The following CSNK2A1 variants were observed in gnomAD, a reference collection of about 807,000 sequenced individuals.
The protein encoded by CSNK2A1 is casein kinase II subunit alpha.
Under a neutral mutation model 62.9 loss-of-function variants are expected in CSNK2A1, and 10 were observed. The ratio of observed to expected loss-of-function variants is 0.16; its 90% CI spans 0.10 to 0.27. CSNK2A1 has a LOEUF of 0.27. CSNK2A1 is among the 10% of genes least tolerant of loss of function. CSNK2A1 has a pLI of 1.00. For synonymous variants in CSNK2A1, 124 were observed against 167.8 expected (o/e 0.74, Z 2.02); for missense variants, 160 against 492.0 (o/e 0.33, Z 6.38).
rs1261916899 is a variant in CSNK2A1, at chr20:523,297, CAGTT to C, written c.-110+4632_-110+4635del. Among the ~76,000 whole-genome samples, 6 of 152,262 alleles carry C rather than the reference CAGTT, an allele frequency of 3.9e-5. No individual in the cohort carries two copies. In the East Asian group the frequency reaches 7.7e-4, roughly 20 times the overall value. ...TCATATGACCCAGCAATCCAACTCA[CAGTT>C]ATTTACCCTAGAAAAATGAAAACTT... is the stretch of plus-strand genomic sequence containing the variant. On this transcript the variant is annotated intron_variant, in intron 2 of 13. Coordinates refer to ENST00000217244, the MANE Select transcript of CSNK2A1 (RefSeq NM_177559.3).
At chr20:495,998 A>AT in intron 7 of CSNK2A1, 196 bp from the exon 8 acceptor site, 1 of 534,482 alleles carries the variant, frequency 1.9e-6, no homozygotes, top group Middle Eastern at 4.5e-4. Context: ...CTCTGAGCTT[A>AT]GAGATCTTTT....
chr20:493,525 T>C (rs1278134214), intron 8 of CSNK2A1, among the ~76,000 whole-genome samples: 1 of 152,222 alleles, frequency 6.6e-6, no homozygotes, highest in Non-Finnish European at 1.5e-5. Context: ...GCCAAAGTAG[T>C]AGAGATTCTC....
rs1250606452 is a variant in CSNK2A1, at chr20:479,157, AAG to A, written c.*4802_*4803del. 2 of 152,374 alleles carry A rather than the reference AAG, an allele frequency of 1.3e-5. No homozygotes were observed. Among genetic ancestry groups the A allele is most frequent in the African/African-American group, 4.8e-5 (2 of 41,438 alleles). 9.4% of individuals were successfully genotyped at this position (152,374 alleles called of 1,614,324 possible). Reference sequence around the variant, plus strand: ...GACACTTTACTGCCACCTGCTGGAAAAGAGTCAGAAATTTTCCAAATGCAAAC... The same window carrying A: ...GACACTTTACTGCCACCTGCTGGAAAAGTCAGAAATTTTCCAAATGCAAAC... On this transcript the variant is annotated 3_prime_UTR_variant, in exon 14 of 14. Transcript: ENST00000217244.
At chr20:492,182 C>A in intron 9 of CSNK2A1, 72 bp downstream of exon 9, 68 of 1,051,628 alleles carry the variant, frequency 6.5e-5, no homozygotes, top group Non-Finnish European at 8.3e-5. Context: ...CAAAATGATA[C>A]TTTTTTTTTT....
At chr20:523,825 C>T (rs904140665) in intron 2 of CSNK2A1, among the ~76,000 whole-genome samples, 3 of 140,960 alleles carry the variant, frequency 2.1e-5, no homozygotes, top group African/African-American at 8.1e-5. Flanking sequence ...CGCCAATGCA[C>T]TCCAGCCTGG....
At chr20:539,421 C>A (rs1480649796) in intron 1 of CSNK2A1, 2 of 152,264 alleles carry the variant, frequency 1.3e-5, no homozygotes, top group Non-Finnish European at 2.9e-5. Context: ...CCGTCTCACA[C>A]TTTCAATCTG....
At chr20:515,534 G>GT (rs1292518316) in intron 2 of CSNK2A1, among the ~76,000 whole-genome samples, 8 of 152,074 alleles carry the variant, frequency 5.3e-5, no homozygotes, top group African/African-American at 1.9e-4. Flanking sequence ...ATCCAATACA[G>GT]TTACAGCTGG....
intron 2 of CSNK2A1, among the ~76,000 whole-genome samples, chr20:523,668 G>A (rs953294218): frequency 3.3e-5 from 5 of 152,024 alleles, no homozygotes; most frequent in African/African-American, 1.2e-4. Flanking sequence ...GAAGCGGATG[G>A]ATCACAAGGT....
Position 496,473 on chromosome 20 carries a change from T to C in CSNK2A1, c.427-671A>G, listed in dbSNP as rs1228825204. The C allele has an allele frequency of 2.6e-5, 4 of 152,164 alleles. No individual in the cohort carries two copies. In the East Asian group the frequency reaches 5.8e-4, roughly 22 times the overall value. The allele number at this position is 152,164 out of a possible 1,614,324, so 9.4% of individuals were successfully genotyped here. On this transcript the variant is annotated intron_variant, in intron 7 of 13. Coordinates refer to ENST00000217244, the MANE Select transcript of CSNK2A1 (RefSeq NM_177559.3). ...CAACCTCAAACTAAAGGGAACTGAG[T>C]AGTATAATCTTTGGGGTTTGTTAAT...
chr20:496,108 T>A, intron 7 of CSNK2A1: 1 of 279,900 alleles, frequency 3.6e-6, no homozygotes, highest in South Asian at 5.2e-5. Context: ...GATCCTAGAT[T>A]ATTTCCACAG....
chr20:525,730 T>C (rs1181934197), intron 2 of CSNK2A1, among the ~76,000 whole-genome samples: 1 of 149,542 alleles, frequency 6.7e-6, no homozygotes, highest in Non-Finnish European at 1.5e-5. Flanking sequence ...CCCAACACTT[T>C]GGGAGGCTGA....
chr20:522,487 GTCT>G (rs1282613641), intron 2 of CSNK2A1, among the ~76,000 whole-genome samples: 2 of 152,118 alleles, frequency 1.3e-5, no homozygotes, highest in African/African-American at 4.8e-5. Context: ...TACATCACCA[GTCT>G]TCTTCAAAAG....
Position 477,362 on chromosome 20 carries a change from T to C in CSNK2A1, c.*6599A>G, listed in dbSNP as rs1471904243. On this transcript the variant is annotated 3_prime_UTR_variant, in exon 14 of 14. Coordinates refer to ENST00000217244, the MANE Select transcript of CSNK2A1 (RefSeq NM_177559.3). ...ACAGGCGCACACCACCACACTCAGC[T>C]AATCTATTTTTTGTAGAGGTGGGTT... The C allele has an allele frequency of 2.0e-5, 3 of 152,198 alleles. No individual in the cohort carries two copies. The highest frequency in any genetic ancestry group is 2.9e-5 in the Non-Finnish European group (2 of 68,078). The allele number at this position is 152,198 out of a possible 1,614,324, so 9.4% of individuals were successfully genotyped here.
chr20:499,957 G>T lies in CSNK2A1; in HGVS notation c.214-23C>A. 4 of 1,161,676 alleles carry T rather than the reference G, an allele frequency of 3.4e-6. No homozygotes were observed. The highest frequency in any genetic ancestry group is 3.5e-6 in the Non-Finnish European group (3 of 854,980). 72.0% of individuals were successfully genotyped at this position (1,161,676 alleles called of 1,614,324 possible). A position where few individuals can be genotyped will look rare whatever the true frequency, so the allele number is the denominator to read the frequency against. ...TGGCTGAAAGGGGAAAAGTACATCAGCAAAAAAAAAAAAAAAAAATTTTTT... is the reference window on the plus strand; with the variant it reads ...TGGCTGAAAGGGGAAAAGTACATCATCAAAAAAAAAAAAAAAAAATTTTTT... On this transcript the variant is annotated intron_variant, in intron 4 of 13. Transcript: ENST00000217244. The surrounding 1 kb of genome is among the most constrained non-coding windows in gnomAD (Gnocchi z 4.2).
At chr20:520,819 G>A (rs143310840) in intron 2 of CSNK2A1, among the ~76,000 whole-genome samples, 1 of 152,218 alleles carries the variant, frequency 6.6e-6, no homozygotes, top group African/African-American at 2.4e-5. Context: ...AAGACTTGGA[G>A]ATCAATATGC....
chr20:521,904 A>G (rs531540098), intron 2 of CSNK2A1, among the ~76,000 whole-genome samples: 20 of 152,210 alleles, frequency 1.3e-4, no homozygotes, highest in Non-Finnish European at 2.6e-4. Flanking sequence ...GGTGAATCTT[A>G]AAAGTGAAGA....
intron 1 of CSNK2A1, among the ~76,000 whole-genome samples, chr20:534,755 G>A (rs2019277751): frequency 6.6e-6 from 1 of 151,964 alleles, no homozygotes; most frequent in African/African-American, 2.4e-5. Context: ...CAGGCTGGGT[G>A]CAGTGGCTCA....
Position 481,576 on chromosome 20 carries a change from A to G in CSNK2A1, c.*2385T>C, listed in dbSNP as rs1441151670. On this transcript the variant is annotated 3_prime_UTR_variant, in exon 14 of 14. Transcript: ENST00000217244. The stretch of plus-strand genomic sequence containing the variant: ...TTAAGTAGCATTTTTAAAAACTTCT[A>G]TTTATTTTAAAAGGCTCTTGGGTGG... The G allele has an allele frequency of 1.4e-5, 2 of 139,578 alleles. No individual in the cohort carries two copies. The highest frequency in any genetic ancestry group is 3.0e-5 in the Non-Finnish European group (2 of 66,762). 8.6% of individuals were successfully genotyped at this position (139,578 alleles called of 1,614,324 possible). A position where few individuals can be genotyped will look rare whatever the true frequency, so the allele number is the denominator to read the frequency against.
At chr20:504,992 T>C (rs2018545296) in intron 4 of CSNK2A1, 126 bp downstream of exon 4, 1 of 754,164 alleles carries the variant, frequency 1.3e-6, no homozygotes. Flanking sequence ...GTTCATAGGA[T>C]ACAATAAAAT....
Sources: allele counts gnomAD v4.1 joint callset (sites outside exome capture counted in the v4.1 genomes callset), GRCh38; gene constraint gnomAD v4.1.1; non-coding constraint Gnocchi (gnomAD v3.1); transcripts MANE v1.5; gene names NCBI Gene and HGNC (gene_info 2026-07-23, HGNC 2026-07-21).